The following PIK3C2G variants were observed in gnomAD, a reference collection of about 807,000 sequenced individuals.
PIK3C2G encodes the protein phosphatidylinositol-4-phosphate 3-kinase catalytic subunit type 2 gamma.
A neutral mutation model predicts 181.1 loss-of-function variants in PIK3C2G; 168 were observed. The ratio of observed to expected loss-of-function variants is 0.93; its 90% confidence interval spans 0.82 to 1.05. PIK3C2G has a LOEUF of 1.05. Among genes scored for constraint, PIK3C2G ranks in the 50% least tolerant of loss-of-function variants. The probability of loss-of-function intolerance (pLI) is 0.00; values close to 1 mark genes in which losing one functional copy is unlikely to be tolerated. For missense variants in PIK3C2G, 1,869 were observed against 1,732.8 expected, an observed-to-expected ratio of 1.08 and a Z score of -1.40; for synonymous variants, 573 against 592.2, an observed-to-expected ratio of 0.97 and a Z score of 0.47.
chr12:18,354,361 G>A (rs116789443), intron 11 of PIK3C2G, among the ~76,000 whole-genome samples: 1,902 of 152,296 alleles, frequency 0.012, 39 homozygotes, highest in African/African-American at 0.044. Context: ...GAGAGAGGAC[G>A]GGGAGAACCC....
In PIK3C2G at chr12:18,420,987, A is replaced by G. The variant is rs374216084; in HGVS notation, c.2362A>G (p.Asn788Asp). The change falls in exon 17 of 33, where the codon AAC becomes GAC. Residue 788 changes from asparagine to aspartate, a missense_variant. Transcript: ENST00000538779. The part of the protein sequence containing the change: ...IRKVAVQQLD[N>D]LLNDELLEYL... Reference sequence around the variant, plus strand: ...TAAAGTGGCAGTTCAACAATTAGACAACCTCTTGAATGATGAACTACTGGA... The same window carrying G: ...TAAAGTGGCAGTTCAACAATTAGACGACCTCTTGAATGATGAACTACTGGA... 3 of 1,607,214 alleles carry G rather than the reference A, an allele frequency of 1.9e-6. No homozygotes were observed. The highest frequency in any genetic ancestry group is 2.7e-5 in the African/African-American group (2 of 74,750).
intron 18 of PIK3C2G, among the ~76,000 whole-genome samples, chr12:18,428,761 A>G (rs993559412): frequency 2.0e-5 from 3 of 152,206 alleles, no homozygotes; most frequent in Non-Finnish European, 4.4e-5. Flanking sequence ...TTCCAAGGCA[A>G]GTGAGTTAAC....
At chr12:18,670,080 G>C in the PIK3C2G span, among the ~76,000 whole-genome samples, 190 of 152,174 alleles carry the variant, frequency 1.2e-3, 1 homozygote, top group African/African-American at 4.4e-3. Flanking sequence ...ACCCCATTGG[G>C]AGTTAGGGCT....
At chr12:18,257,203 A>G (rs151091412), upstream of PIK3C2G, among the ~76,000 whole-genome samples, 331 of 152,280 alleles carry the variant, frequency 2.2e-3, 4 homozygotes, top group African/African-American at 7.7e-3. Context: ...AGGAAGTCTT[A>G]AGTTGGATGG....
intron 13 of PIK3C2G, among the ~76,000 whole-genome samples, chr12:18,375,465 G>C (rs1228645379): frequency 6.6e-6 from 1 of 152,186 alleles, no homozygotes; most frequent in Non-Finnish European, 1.5e-5. Context: ...CCTCATCTCA[G>C]ATTCAGGAGT....
At chr12:18,306,957 A>C (rs988850009) in intron 5 of PIK3C2G, among the ~76,000 whole-genome samples, 2 of 151,520 alleles carry the variant, frequency 1.3e-5, no homozygotes, top group African/African-American at 2.4e-5. Context: ...GCTTAATTCA[A>C]ATTATATAAA....
chr12:18,252,239 T>A (rs962199201), intron 1 of PIK3C2G, among the ~76,000 whole-genome samples: 1 of 152,086 alleles, frequency 6.6e-6, no homozygotes, highest in Non-Finnish European at 1.5e-5. Flanking sequence ...ACAATTTTGC[T>A]CAGTGAGCAA....
intron 30 of PIK3C2G, among the ~76,000 whole-genome samples, chr12:18,600,757 T>G (rs1192550166): frequency 1.3e-5 from 2 of 152,006 alleles, no homozygotes; most frequent in African/African-American, 4.8e-5. Flanking sequence ...GAGAAGATGA[T>G]TCTAACAAGA....
chr12:18,371,110 T>C (rs1942025692), intron 12 of PIK3C2G, 70 bp from the exon 13 acceptor site: 2 of 1,298,348 alleles, frequency 1.5e-6, no homozygotes, highest in Non-Finnish European at 2.1e-6. Context: ...ACCAGTACAT[T>C]ATAAGAACAT....
At chr12:18,564,183 T>C (rs1945495014) in intron 28 of PIK3C2G, among the ~76,000 whole-genome samples, 1 of 151,962 alleles carries the variant, frequency 6.6e-6, no homozygotes, top group Non-Finnish European at 1.5e-5. Context: ...AAACTAAAAA[T>C]ATCATTAAAA....
intron 31 of PIK3C2G, among the ~76,000 whole-genome samples, chr12:18,635,941 A>C (rs1949583581): frequency 1.3e-5 from 2 of 152,198 alleles, no homozygotes; most frequent in African/African-American, 2.4e-5. Flanking sequence ...CTTAGAAGGG[A>C]TATATCAACA....
intron 30 of PIK3C2G, among the ~76,000 whole-genome samples, chr12:18,599,690 AT>A (rs1436661501): frequency 4.3e-5 from 4 of 94,106 alleles, no homozygotes; most frequent in African/African-American, 8.7e-5. Context: ...ATAAAAAAAA[AT>A]AAAAATAAAA....
chr12:18,638,541 G>T (rs936804550), intron 31 of PIK3C2G, among the ~76,000 whole-genome samples: 2 of 152,152 alleles, frequency 1.3e-5, no homozygotes, highest in Non-Finnish European at 2.9e-5. Context: ...GTCAAGCTGA[G>T]ATTCTGCATT....
rs1201010998 is a variant in PIK3C2G, at chr12:18,391,158, C to A, written c.2032C>A (p.Pro678Thr). 2 of 1,607,700 alleles carry A rather than the reference C, an allele frequency of 1.2e-6. No individual in the cohort carries two copies. Among genetic ancestry groups the A allele is most frequent in the Middle Eastern group, 1.7e-4 (1 of 6,040 alleles). Residue 678 changes from proline (P) to threonine (T), a missense_variant, in exon 15 of 33, where the codon CCT becomes ACT. Transcript: ENST00000538779. ...AGCTACTGGGTGGGAGTATATGAAA[C>A]CTGATTCTGAAGAGAATAGAAGTAA... Reference protein sequence around the residue: ...FPATGWEYMKPDSEENRSNLE... With the variant: ...FPATGWEYMKTDSEENRSNLE...
chr12:18,272,805 T>C (rs1427595861), intron 1 of PIK3C2G, among the ~76,000 whole-genome samples: 2 of 152,148 alleles, frequency 1.3e-5, no homozygotes, highest in Non-Finnish European at 2.9e-5. Flanking sequence ...TCACAGGACA[T>C]CCTAGCTCAT....
intron 16 of PIK3C2G, among the ~76,000 whole-genome samples, chr12:18,408,844 T>C (rs150458521): frequency 4.4e-4 from 67 of 152,248 alleles, no homozygotes; most frequent in African/African-American, 1.5e-3. Context: ...AAAACCATAA[T>C]GAGATACCAT....
chr12:18,278,962 A>T (rs995677630), intron 1 of PIK3C2G, among the ~76,000 whole-genome samples: 3 of 152,054 alleles, frequency 2.0e-5, no homozygotes, highest in African/African-American at 7.2e-5. Flanking sequence ...TCTCATGATA[A>T]TGAAATTTTT....
At chr12:18,336,966 C>G (rs1419040241) in intron 8 of PIK3C2G, among the ~76,000 whole-genome samples, 1 of 152,014 alleles carries the variant, frequency 6.6e-6, no homozygotes, top group African/African-American at 2.4e-5. Flanking sequence ...TAAGAAAATA[C>G]CCTAGAATAA....
intron 31 of PIK3C2G, among the ~76,000 whole-genome samples, chr12:18,624,719 C>T (rs1949018554): frequency 6.6e-6 from 1 of 151,406 alleles, no homozygotes; most frequent in African/African-American, 2.4e-5. Context: ...TCTCTTCTCT[C>T]ATTAATGAAC....
Sources: allele counts gnomAD v4.1 joint callset (sites outside exome capture counted in the v4.1 genomes callset), GRCh38; gene constraint gnomAD v4.1.1; transcripts MANE v1.5; gene names NCBI Gene and HGNC (gene_info 2026-07-23, HGNC 2026-07-21).